Variants in CLBA1 observed in about 807,000 individuals in gnomAD.
The protein encoded by CLBA1 is uncharacterized protein CLBA1.
CLBA1 carries 30 observed loss-of-function variants against 28.8 expected under a neutral mutation model. The ratio of observed to expected loss-of-function variants is 1.04; its 90% confidence interval spans 0.78 to 1.41. The LOEUF is 1.41. CLBA1 is among the 40% of genes most tolerant of loss of function. The pLI, the probability that CLBA1 is intolerant of heterozygous loss-of-function variation, is 0.00. For missense variants in CLBA1, 451 were observed against 412.3 expected (o/e 1.09, Z -0.81); for synonymous variants, 160 against 152.8 (o/e 1.05, Z -0.35).
In CLBA1 at chr14:104,985,914, C is replaced by A. The variant is rs889779897; in HGVS notation, c.-518C>A. 8 of 203,852 alleles carry A rather than the reference C, an allele frequency of 3.9e-5. No individual in the cohort carries two copies. The highest frequency in any genetic ancestry group is 8.4e-5 in the Non-Finnish European group (8 of 95,088). 12.6% of individuals were successfully genotyped at this position (203,852 alleles called of 1,614,324 possible). A position where few individuals can be genotyped will look rare whatever the true frequency, so the allele number is the denominator to read the frequency against. ...GGACTCTCGGGAGCCGTGGGCCAGG[C>A]GCTTAGCCGGCCACCTCGGGCCCTG... On this transcript the variant is annotated 5_prime_UTR_variant, in exon 1 of 5. Coordinates refer to ENST00000547315, the MANE Select transcript of CLBA1 (RefSeq NM_174891.4).
In CLBA1 at chr14:104,994,788, G is replaced by C; in HGVS notation, c.*29G>C. The stretch of plus-strand genomic sequence containing the variant: ...CAGGAGGACTTTGTACCTTTATGAG[G>C]AATTTTTCATTTTCTTCCTGGCTGG... On this transcript the variant is annotated 3_prime_UTR_variant, in exon 5 of 5. Transcript: ENST00000547315. 1 of 1,572,610 alleles carries C rather than the reference G, an allele frequency of 6.4e-7. No homozygotes were observed. Among genetic ancestry groups the C allele is most frequent in the East Asian group, 2.3e-5 (1 of 44,082 alleles).
In CLBA1 at chr14:104,986,388, T is replaced by C. The variant is rs775171550; in HGVS notation, c.-44T>C. ...CCAGCACCCCGGCGTGCATGTCTCC[T>C]GAGCAGCTGCCCATCGGGCCTCTGC... is the stretch of plus-strand genomic sequence containing the variant. On this transcript the variant is annotated 5_prime_UTR_variant, in exon 1 of 5. Transcript: ENST00000547315. The C allele has an allele frequency of 6.3e-7, 1 of 1,590,876 alleles. No homozygotes were observed. The highest frequency in any genetic ancestry group is 8.5e-7 in the Non-Finnish European group (1 of 1,170,622).
rs1270936540 is a variant in CLBA1, at chr14:104,986,204, G to T, written c.-228G>T. 1.7e-6 allele frequency: 1 copy of T among 583,948 alleles called. No individual in the cohort carries two copies. The highest frequency in any genetic ancestry group is 3.0e-6 in the Non-Finnish European group (1 of 328,132). The allele number at this position is 583,948 out of a possible 1,614,324, so 36.2% of individuals were successfully genotyped here. A position where few individuals can be genotyped will look rare whatever the true frequency, so the allele number is the denominator to read the frequency against. On this transcript the variant is annotated 5_prime_UTR_variant, in exon 1 of 5. Transcript: ENST00000547315. ...TCCGCGCCCGCCTGCGTGGGAGGAA[G>T]CCAGGACTCCCGGGCGACCGGGCCA...
chr14:104,995,205 C>T lies in CLBA1; in HGVS notation c.*446C>T, dbSNP rs1900135975. Reference sequence around the variant, plus strand: ...ACAGCTGTTGAGACCGCTCAGAAACCCTCTGTCTGTCACACTCTGCCCTGG... The same window carrying T: ...ACAGCTGTTGAGACCGCTCAGAAACTCTCTGTCTGTCACACTCTGCCCTGG... On this transcript the variant is annotated 3_prime_UTR_variant, in exon 5 of 5. Transcript: ENST00000547315. The T allele has an allele frequency of 1.0e-6, 1 of 986,820 alleles. No homozygotes were observed. Among genetic ancestry groups the T allele is most frequent in the East Asian group, 1.1e-4 (1 of 8,824 alleles). 61.1% of individuals were successfully genotyped at this position (986,820 alleles called of 1,614,324 possible).
intron 2 of CLBA1, among the ~76,000 whole-genome samples, chr14:105,001,070 A>T (rs1281577666): frequency 1.1e-4 from 4 of 37,944 alleles, no homozygotes; most frequent in Non-Finnish European, 6.0e-4. Context: ...TCAGCTGTAA[A>T]AAAAAAAAAA....
At chr14:104,989,258 C>T in intron 2 of CLBA1, 170 bp downstream of exon 2, 1 of 640,852 alleles carries the variant, frequency 1.6e-6, no homozygotes, top group East Asian at 2.8e-5. Context: ...ACGATTGGCG[C>T]TCCAGCTGTG....
In CLBA1 at chr14:104,989,245, A is replaced by G. The variant is rs1595442560; in HGVS notation, c.569+157A>G. 4 of 692,196 alleles carry G rather than the reference A, an allele frequency of 5.8e-6. No individual in the cohort carries two copies. In the East Asian group the frequency reaches 1.1e-4, roughly 19 times the overall value. 42.9% of individuals were successfully genotyped at this position (692,196 alleles called of 1,614,324 possible). ...TCATAGGGGTCCTATGAGAAGGGGC[A>G]GCACGATTGGCGCTCCAGCTGTGGC... is the stretch of plus-strand genomic sequence containing the variant. On this transcript the variant is annotated intron_variant, in intron 2 of 4. Coordinates refer to ENST00000547315, the MANE Select transcript of CLBA1 (RefSeq NM_174891.4).
Position 104,986,811 on chromosome 14 carries a change from GTGGACCT to G in CLBA1, c.384_390del (p.Pro129Ter), listed in dbSNP as rs1389265863. 1 of 1,613,594 alleles carries G rather than the reference GTGGACCT, an allele frequency of 6.2e-7. No individual in the cohort carries two copies. Among genetic ancestry groups the G allele is most frequent in the South Asian group, 1.1e-5 (1 of 91,078 alleles). On this transcript the variant is annotated frameshift_variant, in exon 1 of 5. Transcript: ENST00000547315. LOFTEE classifies it high-confidence loss of function. Reference sequence around the variant, plus strand: ...TGCAGTTCTCACCAACCATGCCAGGGTGGACCTTGGGTGACAGGAACTTCTGCCGTCC... The same window carrying G: ...TGCAGTTCTCACCAACCATGCCAGGGTGGGTGACAGGAACTTCTGCCGTCC...
chr14:104,993,882 C>T, intron 4 of CLBA1: 1 of 985,372 alleles, frequency 1.0e-6, no homozygotes, highest in Non-Finnish European at 1.2e-6. Context: ...TGCCCTGTGG[C>T]CTGGTAGGAG....
At chr14:104,994,092 G>A (rs7159328) in intron 4 of CLBA1, 646,535 of 985,184 alleles carry the variant, frequency 0.66, 218,237 homozygotes, top group Non-Finnish European at 0.69. Flanking sequence ...CTGATCGGCC[G>A]TCTTCACAGG....
At chr14:104,996,610 A>C (rs1406136260), downstream of CLBA1, among the ~76,000 whole-genome samples, 1 of 152,220 alleles carries the variant, frequency 6.6e-6, no homozygotes, top group Non-Finnish European at 1.5e-5. Flanking sequence ...AGAGGCTGCA[A>C]GACACCCCGG....
Position 104,991,577 on chromosome 14 carries a change from A to C in CLBA1, c.656A>C (p.Gln219Pro), listed in dbSNP as rs1392473489. Residue 219 changes from glutamine (Q) to proline (P), a missense_variant, in exon 3 of 5, where the codon CAG becomes CCG. Transcript: ENST00000547315. ...SQRLWSESRCQENFFLVLGID... is the reference protein window; with the variant it reads ...SQRLWSESRCPENFFLVLGID... ...CGCCTCTGGAGCGAGTCCCGTTGCC[A>C]GGAGAACTTCTTTCTTGTTCTCGGA... 3 of 1,613,526 alleles carry C rather than the reference A, an allele frequency of 1.9e-6. No homozygotes were observed. The highest frequency in any genetic ancestry group is 1.7e-6 in the Non-Finnish European group (2 of 1,179,812).
Position 104,995,007 on chromosome 14 carries a change from G to T in CLBA1, c.*248G>T. 1 of 1,161,618 alleles carries T rather than the reference G, an allele frequency of 8.6e-7. No homozygotes were observed. Among genetic ancestry groups the T allele is most frequent in the South Asian group, 3.0e-5 (1 of 32,960 alleles). 72.0% of individuals were successfully genotyped at this position (1,161,618 alleles called of 1,614,324 possible). A position where few individuals can be genotyped will look rare whatever the true frequency, so the allele number is the denominator to read the frequency against. ...GCCATGACAGGCTGTCGGGGTCCAG[G>T]TGGCACTCATGGGCCCCCTGCCCCA... is the stretch of plus-strand genomic sequence containing the variant. On this transcript the variant is annotated 3_prime_UTR_variant, in exon 5 of 5. Coordinates refer to ENST00000547315, the MANE Select transcript of CLBA1 (RefSeq NM_174891.4).
rs1164450046 is a variant in CLBA1, at chr14:104,988,997, CA to C, written c.479del (p.Gln160ArgfsTer10). The C allele has an allele frequency of 3.1e-6, 5 of 1,612,966 alleles. No homozygotes were observed. The highest frequency in any genetic ancestry group is 4.2e-6 in the Non-Finnish European group (5 of 1,179,186). ...LKCAFQEITV[Q>X]QAAEDVSTID... Reference sequence around the variant, plus strand: ...GTGTGCTTTTCAAGAAATAACAGTCCAGCAGGCAGCTGAAGACGTTTCCACC... The same window carrying C: ...GTGTGCTTTTCAAGAAATAACAGTCCGCAGGCAGCTGAAGACGTTTCCACC... On this transcript the variant is annotated frameshift_variant, in exon 2 of 5. Coordinates refer to ENST00000547315, the MANE Select transcript of CLBA1 (RefSeq NM_174891.4). LOFTEE classifies it high-confidence loss of function.
downstream of CLBA1, among the ~76,000 whole-genome samples, chr14:104,998,043 T>C (rs183460619): frequency 2.6e-5 from 4 of 151,298 alleles, no homozygotes; most frequent in East Asian, 7.8e-4. Flanking sequence ...GAAAAAAATA[T>C]TCTTTAAAAA....
At position 104,986,107 on chromosome 14, in the gene CLBA1, A is replaced by G. The variant is rs1899846499; in HGVS notation, c.-325A>G. ...CCCAGGCCCCCTCGCGGCTCTCTCC[A>G]GAGCAGGAGCCCCACCTTGGGCCGC... On this transcript the variant is annotated 5_prime_UTR_variant, in exon 1 of 5. Transcript: ENST00000547315. 3 of 393,890 alleles carry G rather than the reference A, an allele frequency of 7.6e-6. No individual in the cohort carries two copies. Among genetic ancestry groups the G allele is most frequent in the South Asian group, 5.3e-5 (2 of 37,892 alleles). 24.4% of individuals were successfully genotyped at this position (393,890 alleles called of 1,614,324 possible). A position where few individuals can be genotyped will look rare whatever the true frequency, so the allele number is the denominator to read the frequency against.
At chr14:104,997,914 C>G (rs1393608329), downstream of CLBA1, among the ~76,000 whole-genome samples, 7 of 151,926 alleles carry the variant, frequency 4.6e-5, no homozygotes, top group East Asian at 1.4e-3. Flanking sequence ...GAGGCTGAGA[C>G]AAGAGACTTA....
rs762268503 is a variant in CLBA1 at position 104,986,845 on chromosome 14, A to C, written c.414A>C (p.Pro138=). 3.1e-6 allele frequency: 5 copies of C among 1,612,870 alleles called. No homozygotes were observed. The highest frequency in any genetic ancestry group is 1.7e-6 in the Non-Finnish European group (2 of 1,179,890). ...GGGTGACAGGAACTTCTGCCGTCCC[A>C]CCTTCTGAGGTATTTCTGCTGTGCT... The part of the protein sequence containing the change: ...GPWVTGTSAV[P]PSEPILSYEN... The change falls in exon 1 of 5, where the codon CCA becomes CCC. Residue 138 remains proline (P), a synonymous_variant. Transcript: ENST00000547315.
At position 104,986,193 on chromosome 14, in the gene CLBA1, C is replaced by T. The variant is rs1360724896; in HGVS notation, c.-239C>T. 11 of 573,218 alleles carry T rather than the reference C, an allele frequency of 1.9e-5. No individual in the cohort carries two copies. Among genetic ancestry groups the T allele is most frequent in the Non-Finnish European group, 3.4e-5 (11 of 320,830 alleles). The allele number at this position is 573,218 out of a possible 1,614,324, so 35.5% of individuals were successfully genotyped here. A position where few individuals can be genotyped will look rare whatever the true frequency, so the allele number is the denominator to read the frequency against. On this transcript the variant is annotated 5_prime_UTR_variant, in exon 1 of 5. Coordinates refer to ENST00000547315, the MANE Select transcript of CLBA1 (RefSeq NM_174891.4). ...CTGTGTCGGACTCCGCGCCCGCCTG[C>T]GTGGGAGGAAGCCAGGACTCCCGGG...
Sources: allele counts gnomAD v4.1 joint callset (sites outside exome capture counted in the v4.1 genomes callset), GRCh38; gene constraint gnomAD v4.1.1; transcripts MANE v1.5; gene names NCBI Gene and HGNC (gene_info 2026-07-23, HGNC 2026-07-21).